The following BIN1 variants were observed in gnomAD, a reference collection of about 807,000 sequenced individuals.
BIN1 encodes myc box-dependent-interacting protein 1.
Under a neutral mutation model 82.0 loss-of-function variants are expected in BIN1, and 53 were observed. That is an observed-to-expected ratio of 0.65 (90% confidence interval 0.52 to 0.81). BIN1 has a LOEUF of 0.81. Among genes scored for constraint, BIN1 ranks in the 40% least tolerant of loss-of-function variants. BIN1 has a pLI of 0.00. For synonymous variants in BIN1, 302 were observed against 328.0 expected (o/e 0.92, Z 0.86); for missense variants, 642 against 784.4 (o/e 0.82, Z 2.17).
At chr2:127,054,074 C>A (rs974184681) in intron 12 of BIN1, 62 bp from the exon 13 acceptor site, 3 of 1,418,790 alleles carry the variant, frequency 2.1e-6, no homozygotes, top group Admixed American at 2.0e-5. Flanking sequence ...AGCCCTCACC[C>A]CAGGCAGACA....
rs909016487 is a variant in BIN1, at chr2:127,053,976, G to A, written c.1168C>T (p.Leu390=). ...AGGGGGTCAAAGTCCAGGTCCAGCA[G>A]ACTGGCCTGCTCCGAGAAAGGCCCC... is the stretch of plus-strand genomic sequence containing the variant. ...APGPFSEQAS[L]LDLDFDPLPP... is the part of the protein sequence containing the mutation. Residue 390 remains leucine, a synonymous_variant, in exon 13 of 19, where the codon CTG becomes TTG. Transcript: ENST00000316724. 6.4e-7 allele frequency: 1 copy of A among 1,551,410 alleles called. No homozygotes were observed. Among genetic ancestry groups the A allele is most frequent in the African/African-American group, 1.4e-5 (1 of 73,012 alleles).
chr2:127,092,285 G>C (rs567663788), intron 1 of BIN1, among the ~76,000 whole-genome samples: 35 of 152,158 alleles, frequency 2.3e-4, no homozygotes, highest in Non-Finnish European at 5.0e-4. Flanking sequence ...CATGGATGTG[G>C]GGGACAAATG....
chr2:127,088,746 A>C (rs1382194327), intron 1 of BIN1, among the ~76,000 whole-genome samples: 18 of 151,682 alleles, frequency 1.2e-4, no homozygotes, highest in Admixed American at 9.2e-4. Flanking sequence ...CTCTTAAAAA[A>C]AAAAAAAAAG....
At chr2:127,103,133 G>C (rs1680566789) in intron 1 of BIN1, among the ~76,000 whole-genome samples, 1 of 152,178 alleles carries the variant, frequency 6.6e-6, no homozygotes, top group African/African-American at 2.4e-5. Context: ...ATCACTGAGG[G>C]CCTGGGTGAC....
intron 1 of BIN1, among the ~76,000 whole-genome samples, chr2:127,098,961 C>A (rs1679943838): frequency 6.6e-6 from 1 of 152,226 alleles, no homozygotes; most frequent in Non-Finnish European, 1.5e-5. Flanking sequence ...CAGCCCTGAG[C>A]AGCTGACCAC....
Position 127,100,748 on chromosome 2 carries a change from T to A in BIN1, c.84+6112A>T, listed in dbSNP as rs528833381. On this transcript the variant is annotated intron_variant, in intron 1 of 18. Transcript: ENST00000316724. ...CAGGTCCACAACCCTGCGGCCTCTT[T>A]AGGAGGTGGCAGCCTCTCAGAAGCC... 4.4e-4 allele frequency among the ~76,000 whole-genome samples: 67 copies of A among 152,224 alleles called. No individual in the cohort carries two copies. In the South Asian group the frequency reaches 0.014, roughly 31 times the overall value.
Position 127,059,773 on chromosome 2 carries a change from ACAGGTCCTGAGCCATGGCGTT to A in BIN1, c.858-639_858-619del, listed in dbSNP as rs1684200629. 6.6e-6 allele frequency among the ~76,000 whole-genome samples: 1 copy of A among 152,080 alleles called. No individual in the cohort carries two copies. Among genetic ancestry groups the A allele is most frequent in the African/African-American group, 2.4e-5 (1 of 41,404 alleles). On this transcript the variant is annotated intron_variant, in intron 10 of 18. Transcript: ENST00000316724. This position sits in a 1 kb window ranked among gnomAD's most constrained non-coding sequence, Gnocchi z 6.7. Reference sequence around the variant, plus strand: ...GAGTGGGCAGCTGGCGATGGAGGGGACAGGTCCTGAGCCATGGCGTTCAGTGCCAGAACCCAAGGCGGAGGT... The same window carrying A: ...GAGTGGGCAGCTGGCGATGGAGGGGACAGTGCCAGAACCCAAGGCGGAGGT...
At chr2:127,102,021 G>A (rs931380755) in intron 1 of BIN1, among the ~76,000 whole-genome samples, 1 of 152,172 alleles carries the variant, frequency 6.6e-6, no homozygotes, top group Admixed American at 6.5e-5. Context: ...CACTTGCTAT[G>A]CCCCAAGCAC....
At chr2:127,081,737 C>T in intron 1 of BIN1, 1 of 1,219,258 alleles carries the variant, frequency 8.2e-7, no homozygotes, top group Non-Finnish European at 1.1e-6. Context: ...CCCACCCCCA[C>T]ACACACATGG....
intron 1 of BIN1, among the ~76,000 whole-genome samples, chr2:127,086,284 G>T (rs1678148034): frequency 6.6e-6 from 1 of 152,172 alleles, no homozygotes; most frequent in Non-Finnish European, 1.5e-5. Flanking sequence ...GACACTGGGG[G>T]GAGCGGGCGT....
chr2:127,070,732 C>T (rs370497467), intron 3 of BIN1, 30 bp downstream of exon 3: 36 of 1,614,036 alleles, frequency 2.2e-5, no homozygotes, highest in Middle Eastern at 3.3e-4. Flanking sequence ...CAGCTCTACA[C>T]GGGCCAGGTG....
intron 1 of BIN1, among the ~76,000 whole-genome samples, chr2:127,079,678 C>G (rs1234939495): frequency 6.6e-6 from 1 of 152,242 alleles, no homozygotes; most frequent in Non-Finnish European, 1.5e-5. Flanking sequence ...CACCCTCACC[C>G]TGAAGGAACA....
chr2:127,070,967 G>A lies in BIN1; in HGVS notation c.166-151C>T, dbSNP rs2276577. Reference sequence around the variant, plus strand: ...GACCTCCCAACAGGACAGCAGCTACGGTCACCACCCCTGCCTCAGAAGCCC... The same window carrying A: ...GACCTCCCAACAGGACAGCAGCTACAGTCACCACCCCTGCCTCAGAAGCCC... On this transcript the variant is annotated intron_variant, in intron 2 of 18. Transcript: ENST00000316724. 2.4e-3 allele frequency: 1,775 copies of A among 751,634 alleles called. 28 individuals carry two copies. The East Asian group carries it at 0.036, about 15-fold the overall frequency. 46.6% of individuals were successfully genotyped at this position (751,634 alleles called of 1,614,324 possible).
rs1681267012 is a variant in BIN1, at chr2:127,107,112, G to GAGCGAGCCAGCGAGCTAGCC, written c.-189_-170dup. 3 of 684,018 alleles carry GAGCGAGCCAGCGAGCTAGCC rather than the reference G, an allele frequency of 4.4e-6. No individual in the cohort carries two copies. Among genetic ancestry groups the GAGCGAGCCAGCGAGCTAGCC allele is most frequent in the Non-Finnish European group, 6.3e-6 (3 of 477,604 alleles). 42.4% of individuals were successfully genotyped at this position (684,018 alleles called of 1,614,324 possible). A position where few individuals can be genotyped will look rare whatever the true frequency, so the allele number is the denominator to read the frequency against. On this transcript the variant is annotated 5_prime_UTR_variant, in exon 1 of 19. Transcript: ENST00000316724. The surrounding 1 kb of genome is among the most constrained non-coding windows in gnomAD (Gnocchi z 5.9). ...GAGGCGGAGCGTGCGCCGGACGGGC[G>GAGCGAGCCAGCGAGCTAGCC]AGCGAGCCAGCGAGCTAGCCAGCGA...
chr2:127,054,349 T>G, intron 12 of BIN1: 1 of 363,028 alleles, frequency 2.8e-6, no homozygotes. Context: ...CCCAGCTCTC[T>G]TCCGCCACCA....
At position 127,082,488 on chromosome 2, in the gene BIN1, G is replaced by A. The variant is rs966253062; in HGVS notation, c.85-5782C>T. Among the ~76,000 whole-genome samples the A allele has an allele frequency of 4.0e-5, 6 of 151,680 alleles. No homozygotes were observed. Among genetic ancestry groups the A allele is most frequent in the Non-Finnish European group, 8.8e-5 (6 of 67,900 alleles). ...TTGGCGTGGGCAGGCCATGGTGGGCGCCCAGGCAGGGGAAGGGGTACAAGG... is the reference window on the plus strand; with the variant it reads ...TTGGCGTGGGCAGGCCATGGTGGGCACCCAGGCAGGGGAAGGGGTACAAGG... On this transcript the variant is annotated intron_variant, in intron 1 of 18. Transcript: ENST00000316724. This position sits in a 1 kb window ranked among gnomAD's most constrained non-coding sequence, Gnocchi z 6.1.
intron 10 of BIN1, among the ~76,000 whole-genome samples, chr2:127,060,959 C>A (rs539668074): frequency 1.3e-5 from 2 of 152,294 alleles, no homozygotes; most frequent in Admixed American, 1.3e-4. Flanking sequence ...CCAGAAAAGG[C>A]CCCCAGGCGA....
intron 1 of BIN1, among the ~76,000 whole-genome samples, chr2:127,102,782 C>A (rs1007592261): frequency 4.6e-5 from 7 of 152,236 alleles, no homozygotes; most frequent in Admixed American, 2.0e-4. Flanking sequence ...AGCTCAGAAG[C>A]CTTCCCTGCA....
chr2:127,091,507 C>T (rs1239376794), intron 1 of BIN1, among the ~76,000 whole-genome samples: 1 of 152,192 alleles, frequency 6.6e-6, no homozygotes, highest in Non-Finnish European at 1.5e-5. Flanking sequence ...GTATTTGGCC[C>T]CAGAAGTAGG....
Sources: gnomAD v4.1 joint callset for allele counts (sites outside exome capture counted in the v4.1 genomes callset) on GRCh38, gnomAD v4.1.1 for gene constraint, Gnocchi (gnomAD v3.1) non-coding constraint, MANE v1.5 for transcripts, NCBI Gene and HGNC (gene_info 2026-07-23, HGNC 2026-07-21) for gene names.